The following CCDC66 variants were observed in gnomAD, a reference collection of about 807,000 sequenced individuals.
CCDC66 encodes the protein coiled-coil domain-containing protein 66.
In CCDC66, 133 loss-of-function variants were observed where a neutral mutation model predicts 128.3. That is an observed-to-expected ratio of 1.04 (90% CI 0.90 to 1.20). The LOEUF (loss-of-function observed/expected upper bound fraction) is 1.20, where lower values mean the gene tolerates loss of function less well. CCDC66 is among the 50% of genes most tolerant of loss of function. The pLI is 0.00. For missense variants in CCDC66, 1,126 were observed against 1,075.5 expected, an observed-to-expected ratio of 1.05 and a Z score of -0.66; for synonymous variants, 387 against 357.0, an observed-to-expected ratio of 1.08 and a Z score of -0.95.
intron 12 of CCDC66, 92 bp downstream of exon 12, chr3:56,615,364 T>C: frequency 1.5e-6 from 2 of 1,296,752 alleles, no homozygotes; most frequent in Middle Eastern, 2.0e-4. Context: ...AAGGACTCAT[T>C]CTGTTGCACA....
intron 11 of CCDC66, 62 bp downstream of exon 11, chr3:56,613,812 A>T: frequency 1.4e-6 from 2 of 1,414,148 alleles, no homozygotes; most frequent in Non-Finnish European, 2.0e-6. Flanking sequence ...ACAGGGTCTC[A>T]CTCTTTTGCC....
intron 8 of CCDC66, 148 bp from the exon 9 acceptor site, chr3:56,593,343 A>C: frequency 4.5e-6 from 4 of 894,126 alleles, no homozygotes; most frequent in Non-Finnish European, 5.0e-6. Context: ...CTATATGTAT[A>C]AGGACTCTAA....
intron 10 of CCDC66, among the ~76,000 whole-genome samples, chr3:56,609,000 T>C (rs2074441898): frequency 1.3e-5 from 2 of 152,178 alleles, no homozygotes; most frequent in African/African-American, 4.8e-5. Flanking sequence ...TTCTTAAATT[T>C]ATTGAGGCTT....
intron 10 of CCDC66, among the ~76,000 whole-genome samples, chr3:56,604,033 T>G (rs2073677438): frequency 6.6e-6 from 1 of 152,096 alleles, no homozygotes; most frequent in South Asian, 2.1e-4. Context: ...CCCTTTACCA[T>G]TATGTAATGG....
At chr3:56,588,831 GA>G (rs1265123948) in intron 7 of CCDC66, among the ~76,000 whole-genome samples, 1 of 152,182 alleles carries the variant, frequency 6.6e-6, no homozygotes, top group Non-Finnish European at 1.5e-5. Flanking sequence ...TTAACTGAGT[GA>G]TAATGAAAAT....
chr3:56,574,180 G>A (rs1335768883), intron 7 of CCDC66, among the ~76,000 whole-genome samples: 1 of 151,466 alleles, frequency 6.6e-6, no homozygotes, highest in African/African-American at 2.4e-5. Flanking sequence ...CAGCCAACGT[G>A]GTGAAACCCC....
At chr3:56,566,303 T>G (rs929538134) in intron 4 of CCDC66, among the ~76,000 whole-genome samples, 6 of 152,090 alleles carry the variant, frequency 3.9e-5, no homozygotes, top group African/African-American at 1.4e-4. Context: ...TTTTGTAATT[T>G]TTGTAGAGAC....
chr3:56,560,643 C>G (rs575614415), intron 3 of CCDC66, among the ~76,000 whole-genome samples: 124 of 152,194 alleles, frequency 8.1e-4, no homozygotes, highest in Non-Finnish European at 1.0e-4. Flanking sequence ...TCACTTGAAC[C>G]CTGGAGATGG....
At chr3:56,579,383 G>T (rs1273711741) in intron 7 of CCDC66, among the ~76,000 whole-genome samples, 6 of 151,428 alleles carry the variant, frequency 4.0e-5, no homozygotes, top group East Asian at 2.0e-4. Context: ...GATTTTTTTT[G>T]AAGGGTTTTT....
intron 3 of CCDC66, among the ~76,000 whole-genome samples, chr3:56,560,525 G>C (rs2064959957): frequency 6.6e-6 from 1 of 152,348 alleles, no homozygotes; most frequent in Non-Finnish European, 1.5e-5. Context: ...GAGGTCAGGA[G>C]TTCAAGGCCA....
rs1235915560 is a variant in CCDC66, at chr3:56,566,674, A to G, written c.625A>G (p.Met209Val). The G allele has an allele frequency of 1.9e-6, 3 of 1,612,478 alleles. No homozygotes were observed. The South Asian group carries it at 3.3e-5, about 18-fold the overall frequency. Residue 209 changes from methionine (M) to valine (V), a missense_variant, in exon 5 of 18, where the codon ATG becomes GTG. Physicochemically the swap from Met to Val is conservative, Grantham distance 21. Transcript: ENST00000394672. Reference protein sequence around the residue: ...NIMGLFKKTEMVSSVPAENKS... With the variant: ...NIMGLFKKTEVVSSVPAENKS... ...TATGGGATTATTCAAAAAAACTGAA[A>G]TGGTTTCATCTGTCCCAGCTGAAAA...
At chr3:56,619,978 GTTTTA>G (rs1380665793) in intron 17 of CCDC66, 77 bp downstream of exon 17, 33 of 773,074 alleles carry the variant, frequency 4.3e-5, no homozygotes, top group Non-Finnish European at 4.0e-5. Context: ...TGAACGGTTT[GTTTTA>G]AGTTACTTCG....
chr3:56,558,554 A>G (rs2064681091), intron 1 of CCDC66, among the ~76,000 whole-genome samples: 2 of 152,210 alleles, frequency 1.3e-5, no homozygotes, highest in South Asian at 4.1e-4. Flanking sequence ...AGCATTATTA[A>G]AAAATGGTGG....
At chr3:56,607,054 A>T (rs577982004) in intron 10 of CCDC66, among the ~76,000 whole-genome samples, 1 of 152,164 alleles carries the variant, frequency 6.6e-6, no homozygotes, top group South Asian at 2.1e-4. Context: ...GCCTTATAGT[A>T]TAGTTTGAAA....
intron 6 of CCDC66, chr3:56,569,830 T>C (rs1402160127): frequency 6.6e-6 from 1 of 152,236 alleles, no homozygotes; most frequent in Non-Finnish European, 1.5e-5. Flanking sequence ...GCTTTAATCA[T>C]TTTTGTTGTT....
In CCDC66 at chr3:56,566,730, AT is replaced by A; in HGVS notation, c.682del (p.Ser228LeufsTer10). 6.2e-7 allele frequency: 1 copy of A among 1,612,816 alleles called. No individual in the cohort carries two copies. Among genetic ancestry groups the A allele is most frequent in the Non-Finnish European group, 8.5e-7 (1 of 1,179,552 alleles). ...CTGTCTTAAATGAACATCAGGAGAC[AT>A]CTAAACAGTGTGAGCAAAAAATTGC... ...KSVLNEHQET[S>X]KQCEQKIAIE... On this transcript the variant is annotated frameshift_variant, in exon 5 of 18. Transcript: ENST00000394672. LOFTEE classifies it high-confidence loss of function.
intron 7 of CCDC66, among the ~76,000 whole-genome samples, chr3:56,575,133 TAATTTTGTGTTAAACTATTTTGTGTTA>T (rs2067183354): frequency 6.6e-6 from 1 of 151,878 alleles, no homozygotes; most frequent in African/African-American, 2.4e-5. Flanking sequence ...TTTAATTTTG[TAATTTTGTGTTAAACTATTTTGTGTTA>T]AATTTTGTGT....
chr3:56,620,029 C>T, intron 17 of CCDC66, 128 bp downstream of exon 17: 2 of 997,584 alleles, frequency 2.0e-6, no homozygotes, highest in East Asian at 2.6e-5. Flanking sequence ...ATTTCAGTTC[C>T]TGTATGTTTG....
At position 56,604,576 on chromosome 3, in the gene CCDC66, C is replaced by CT. The variant is rs879716072; in HGVS notation, c.1405-9001dup. Among the ~76,000 whole-genome samples, 90 of 144,718 alleles carry CT rather than the reference C, an allele frequency of 6.2e-4. 1 individual carries two copies. Among genetic ancestry groups the CT allele is most frequent in the African/African-American group, 1.7e-3 (68 of 39,440 alleles). The allele number at this position is 144,718 out of a possible 152,430, so 94.9% of individuals were successfully genotyped here. A position where few individuals can be genotyped will look rare whatever the true frequency, so the allele number is the denominator to read the frequency against. On this transcript the variant is annotated intron_variant, in intron 10 of 17. Transcript: ENST00000394672. ...GATATGAAATTCCGGGTTGAAAATT[C>CT]TTTTTTTTTTTTAAGAATGTTGAAT... is the stretch of plus-strand genomic sequence containing the variant.
Sources: allele counts gnomAD v4.1 joint callset (sites outside exome capture counted in the v4.1 genomes callset), GRCh38; gene constraint gnomAD v4.1.1; transcripts MANE v1.5; gene names NCBI Gene and HGNC (gene_info 2026-07-23, HGNC 2026-07-21).